CEP126: variants seen among roughly 807,000 people sequenced by gnomAD.
CEP126 encodes the protein centrosomal protein of 126 kDa.
Under a neutral mutation model 107.8 loss-of-function variants are expected in CEP126, and 74 were observed. The observed-to-expected ratio is 0.69, with a 90% CI of 0.57 to 0.83. The LOEUF is 0.83. Ranked by LOEUF, CEP126 falls within the 40% of genes least tolerant of loss-of-function variation. The pLI is 0.00. For missense variants in CEP126, 1,237 were observed against 1,281.9 expected (o/e 0.96, Z 0.53); for synonymous variants, 449 against 446.0 (o/e 1.01, Z -0.08).
intron 6 of CEP126, among the ~76,000 whole-genome samples, chr11:101,976,065 A>T (rs1442293643): frequency 6.6e-6 from 1 of 152,188 alleles, no homozygotes; most frequent in East Asian, 1.9e-4. Context: ...TCTTTATGGT[A>T]AAACAATTTA....
At chr11:101,985,969 G>C (rs1044338633) in intron 8 of CEP126, among the ~76,000 whole-genome samples, 3 of 150,790 alleles carry the variant, frequency 2.0e-5, no homozygotes, top group African/African-American at 7.3e-5. Context: ...CAAACAGTGG[G>C]AAGTAAAACT....
chr11:101,949,125 C>T (rs891048586), intron 4 of CEP126, among the ~76,000 whole-genome samples: 1 of 152,072 alleles, frequency 6.6e-6, no homozygotes, highest in African/African-American at 2.4e-5. Context: ...TGAGCATGTG[C>T]AAAAGCCAAG....
At chr11:101,984,094 T>C (rs903193738) in intron 8 of CEP126, among the ~76,000 whole-genome samples, 2 of 152,346 alleles carry the variant, frequency 1.3e-5, no homozygotes, top group Non-Finnish European at 2.9e-5. Flanking sequence ...ATTACTTCAT[T>C]AATTCAGCTG....
At position 101,963,735 on chromosome 11, in the gene CEP126, G is replaced by A; in HGVS notation, c.2700G>A (p.Arg900=). 6.2e-7 allele frequency: 1 copy of A among 1,614,052 alleles called. No individual in the cohort carries two copies. The highest frequency in any genetic ancestry group is 1.1e-5 in the South Asian group (1 of 91,082). The change falls in exon 6 of 11, where the codon CGG becomes CGA. Residue 900 remains arginine, a synonymous_variant. Transcript: ENST00000263468. Reference sequence around the variant, plus strand: ...CAAATGGCACTCAAGCAGTTGCCCGGCAAGATGCGACATTATATTGCACCC... The same window carrying A: ...CAAATGGCACTCAAGCAGTTGCCCGACAAGATGCGACATTATATTGCACCC... ...NHSNGTQAVA[R]QDATLYCTQR... is the part of the protein sequence containing the mutation.
intron 4 of CEP126, among the ~76,000 whole-genome samples, chr11:101,952,478 A>G (rs1309995746): frequency 6.6e-6 from 1 of 152,198 alleles, no homozygotes; most frequent in African/African-American, 2.4e-5. Context: ...GGTACAATCA[A>G]TATGCTTTGG....
rs751753088 is a variant in CEP126 at position 101,915,036 on chromosome 11, G to A, written c.-249G>A. 1 of 440,356 alleles carries A rather than the reference G, an allele frequency of 2.3e-6. No homozygotes were observed. The highest frequency in any genetic ancestry group is 4.0e-6 in the Non-Finnish European group (1 of 249,714). The allele number at this position is 440,356 out of a possible 1,614,324, so 27.3% of individuals were successfully genotyped here. A position where few individuals can be genotyped will look rare whatever the true frequency, so the allele number is the denominator to read the frequency against. ...CGCCGTCGGTTGTTGTCAAGATGGCGGCTGCAGGGTTGCTGCCGCCCCATC... is the reference window on the plus strand; with the variant it reads ...CGCCGTCGGTTGTTGTCAAGATGGCAGCTGCAGGGTTGCTGCCGCCCCATC... On this transcript the variant is annotated 5_prime_UTR_variant, in exon 1 of 11. Coordinates refer to ENST00000263468, the MANE Select transcript of CEP126 (RefSeq NM_020802.4).
At chr11:101,992,871 T>C (rs757118317) in intron 10 of CEP126, 29 bp downstream of exon 10, 11 of 1,490,900 alleles carry the variant, frequency 7.4e-6, no homozygotes, top group South Asian at 4.2e-5. Context: ...TCTTTTTTTC[T>C]TGTTTTAGGA....
intron 9 of CEP126, among the ~76,000 whole-genome samples, chr11:101,987,830 C>T (rs1941333298): frequency 6.6e-6 from 1 of 152,070 alleles, no homozygotes; most frequent in African/African-American, 2.4e-5. Flanking sequence ...AAGCAAAGAA[C>T]TTAATTTAGA....
intron 4 of CEP126, among the ~76,000 whole-genome samples, chr11:101,953,759 C>A (rs1329212547): frequency 6.6e-6 from 1 of 152,012 alleles, no homozygotes; most frequent in Non-Finnish European, 1.5e-5. Flanking sequence ...GGTTAAGAGA[C>A]AAGTGGAAGT....
chr11:101,965,737 C>A (rs1394224051), intron 6 of CEP126, among the ~76,000 whole-genome samples: 5 of 152,096 alleles, frequency 3.3e-5, no homozygotes, highest in Non-Finnish European at 7.4e-5. Flanking sequence ...CTCATTTAAA[C>A]CTTGTAATAA....
intron 2 of CEP126, among the ~76,000 whole-genome samples, chr11:101,935,918 G>T (rs1940571390): frequency 6.6e-6 from 1 of 152,028 alleles, no homozygotes; most frequent in African/African-American, 2.4e-5. Flanking sequence ...ATCCACTTGA[G>T]GGGGAAGGGG....
chr11:101,922,109 AT>A (rs35682012), intron 1 of CEP126, among the ~76,000 whole-genome samples: 13,023 of 145,466 alleles, frequency 0.09, 748 homozygotes, highest in East Asian at 0.28. Context: ...CTAAAAGTAG[AT>A]TTTTTTTCTC....
intron 6 of CEP126, among the ~76,000 whole-genome samples, chr11:101,975,678 G>A (rs1219064290): frequency 2.0e-5 from 3 of 152,100 alleles, no homozygotes; most frequent in Non-Finnish European, 4.4e-5. Flanking sequence ...AGATTATTTT[G>A]TCTCCCAGGA....
intron 2 of CEP126, among the ~76,000 whole-genome samples, chr11:101,942,989 G>A (rs1165010270): frequency 1.3e-5 from 2 of 151,926 alleles, no homozygotes; most frequent in African/African-American, 4.8e-5. Context: ...TCATTTATTA[G>A]TGCTGGTTTT....
At chr11:101,995,216 T>C (rs1391749224) in intron 10 of CEP126, among the ~76,000 whole-genome samples, 2 of 152,180 alleles carry the variant, frequency 1.3e-5, no homozygotes, top group African/African-American at 2.4e-5. Flanking sequence ...TTTCAAACTT[T>C]AGTGTACTTT....
At position 101,915,057 on chromosome 11, in the gene CEP126, C is replaced by G. The variant is rs562134120; in HGVS notation, c.-228C>G. The G allele has an allele frequency of 5.8e-5, 30 of 514,302 alleles. No individual in the cohort carries two copies. Among genetic ancestry groups the G allele is most frequent in the African/African-American group, 5.4e-4 (28 of 51,444 alleles). 31.9% of individuals were successfully genotyped at this position (514,302 alleles called of 1,614,324 possible). A position where few individuals can be genotyped will look rare whatever the true frequency, so the allele number is the denominator to read the frequency against. ...TGGCGGCTGCAGGGTTGCTGCCGCC[C>G]CATCTGCTATTGCCCGGCGAGGTCG... On this transcript the variant is annotated 5_prime_UTR_variant, in exon 1 of 11. Coordinates refer to ENST00000263468, the MANE Select transcript of CEP126 (RefSeq NM_020802.4).
At chr11:101,924,856 A>G (rs1940383833) in intron 2 of CEP126, among the ~76,000 whole-genome samples, 1 of 152,168 alleles carries the variant, frequency 6.6e-6, no homozygotes, top group African/African-American at 2.4e-5. Flanking sequence ...GCAGAAGTCA[A>G]AGGAAAATGT....
intron 7 of CEP126, among the ~76,000 whole-genome samples, chr11:101,979,512 C>G (rs1474314969): frequency 6.6e-6 from 1 of 152,046 alleles, no homozygotes; most frequent in Non-Finnish European, 1.5e-5. Flanking sequence ...GTTTGGGAGG[C>G]CAAGGCAGGA....
At chr11:101,965,181 A>G (rs1422866303) in intron 6 of CEP126, among the ~76,000 whole-genome samples, 1 of 152,158 alleles carries the variant, frequency 6.6e-6, no homozygotes, top group Non-Finnish European at 1.5e-5. Context: ...AGAAAGCAAT[A>G]TATTTTCCTG....
Sources: gnomAD v4.1 joint callset for allele counts (sites outside exome capture counted in the v4.1 genomes callset) on GRCh38, gnomAD v4.1.1 for gene constraint, MANE v1.5 for transcripts, NCBI Gene and HGNC (gene_info 2026-07-23, HGNC 2026-07-21) for gene names.